The following HEATR5B variants were observed in gnomAD, a reference collection of about 807,000 sequenced individuals.
HEATR5B encodes HEAT repeat-containing protein 5B.
A neutral mutation model predicts 224.1 loss-of-function variants in HEATR5B; 156 were observed. The observed-to-expected ratio is 0.70, with a 90% CI of 0.61 to 0.80. The LOEUF is 0.80. HEATR5B is among the 30% of genes least tolerant of loss of function. The probability of loss-of-function intolerance (pLI) is 0.00; values close to 1 mark genes in which losing one functional copy is unlikely to be tolerated. For missense variants in HEATR5B, 2,323 were observed against 2,535.5 expected (o/e 0.92, Z 1.80); for synonymous variants, 1,027 against 893.0 (o/e 1.15, Z -2.68).
chr2:37,012,754 G>A (rs888513804), intron 27 of HEATR5B, among the ~76,000 whole-genome samples: 2 of 152,130 alleles, frequency 1.3e-5, no homozygotes, highest in African/African-American at 4.8e-5. Context: ...AGAGTAGACA[G>A]CACTGAGCTT....
At chr2:37,001,545 T>G (rs905593386) in intron 32 of HEATR5B, among the ~76,000 whole-genome samples, 2 of 152,106 alleles carry the variant, frequency 1.3e-5, no homozygotes, top group African/African-American at 4.8e-5. Context: ...ATCTTTTGGC[T>G]TCCCTGAGCC....
At chr2:37,047,035 C>CAAAA (rs57343074) in intron 18 of HEATR5B, among the ~76,000 whole-genome samples, 869 of 44,212 alleles carry the variant, frequency 0.02, 30 homozygotes, top group African/African-American at 0.047. Flanking sequence ...GACTCCACCT[C>CAAAA]AAAAAAAAAA....
chr2:37,078,363 G>A (rs895946287), intron 3 of HEATR5B, among the ~76,000 whole-genome samples: 92 of 152,188 alleles, frequency 6.0e-4, no homozygotes, highest in African/African-American at 2.1e-3. Context: ...ATCACATGCC[G>A]GCATACATTA....
intron 34 of HEATR5B, among the ~76,000 whole-genome samples, chr2:36,989,657 G>C (rs1666186861): frequency 1.3e-5 from 2 of 152,086 alleles, no homozygotes; most frequent in Admixed American, 1.3e-4. Flanking sequence ...TATTAGAAAG[G>C]CTTCAGATTA....
chr2:37,044,328 T>C (rs1670055327), intron 18 of HEATR5B, among the ~76,000 whole-genome samples: 1 of 152,224 alleles, frequency 6.6e-6, no homozygotes, highest in Non-Finnish European at 1.5e-5. Context: ...ATCATTATAG[T>C]TTACCTTTTA....
Position 37,002,287 on chromosome 2 carries a change from A to C in HEATR5B, c.5317+19T>G, listed in dbSNP as rs1290828190. 10 of 1,613,878 alleles carry C rather than the reference A, an allele frequency of 6.2e-6. No individual in the cohort carries two copies. The highest frequency in any genetic ancestry group is 8.5e-6 in the Non-Finnish European group (10 of 1,179,726). On this transcript the variant is annotated intron_variant, in intron 32 of 35. Transcript: ENST00000233099. Reference sequence around the variant, plus strand: ...CTACTGTAATATAATGCATTTCCAAATACTGATCAATACCGTACCAGCGGG... The same window carrying C: ...CTACTGTAATATAATGCATTTCCAACTACTGATCAATACCGTACCAGCGGG...
intron 30 of HEATR5B, 143 bp from the exon 31 acceptor site, chr2:37,003,829 A>C: frequency 2.0e-6 from 1 of 490,710 alleles, no homozygotes; most frequent in Non-Finnish European, 3.5e-6. Context: ...ACAAATAAGA[A>C]CATTGTAAAA....
intron 16 of HEATR5B, among the ~76,000 whole-genome samples, chr2:37,054,696 T>C (rs1034980022): frequency 1.3e-5 from 2 of 151,996 alleles, no homozygotes; most frequent in Non-Finnish European, 2.9e-5. Context: ...TTGGCCAGGC[T>C]GGTCTCAAAC....
intron 18 of HEATR5B, among the ~76,000 whole-genome samples, chr2:37,041,800 T>G (rs1669889730): frequency 6.6e-6 from 1 of 151,284 alleles, no homozygotes; most frequent in South Asian, 2.1e-4. Context: ...TATATTTGAC[T>G]GAATAAAGCC....
chr2:36,982,952 C>A (rs941897574), intron 35 of HEATR5B, among the ~76,000 whole-genome samples: 3 of 148,270 alleles, frequency 2.0e-5, no homozygotes, highest in Non-Finnish European at 4.4e-5. Context: ...TGTTTTCCTA[C>A]CAGAAATGTA....
chr2:37,011,377 A>C (rs764352168), intron 27 of HEATR5B, among the ~76,000 whole-genome samples: 2 of 152,214 alleles, frequency 1.3e-5, no homozygotes, highest in Non-Finnish European at 2.9e-5. Context: ...AAGTAGCTGA[A>C]GTTTTTACTC....
intron 29 of HEATR5B, 127 bp downstream of exon 29, chr2:37,006,922 GA>G: frequency 1.2e-6 from 1 of 811,102 alleles, no homozygotes; most frequent in East Asian, 2.7e-5. Flanking sequence ...AAGGTGAGGT[GA>G]AAAATCCTTT....
rs775415181 is a variant in HEATR5B at position 37,020,712 on chromosome 2, C to T, written c.3978G>A (p.Ala1326=). ...QALEDIIKKF[A]SVPEPEFPGH... is the part of the protein sequence containing the mutation. ...CTGGAAATTCTGGCTCAGGCACAGACGCAAACTTCTTGATAATGTCTTCAA... is the reference window on the plus strand; with the variant it reads ...CTGGAAATTCTGGCTCAGGCACAGATGCAAACTTCTTGATAATGTCTTCAA... The change falls in exon 25 of 36, where the codon GCG becomes GCA. Residue 1326 remains alanine (A), a synonymous_variant. Coordinates refer to ENST00000233099, the MANE Select transcript of HEATR5B (RefSeq NM_019024.3). 1.7e-5 allele frequency: 27 copies of T among 1,608,080 alleles called. No individual in the cohort carries two copies. The highest frequency in any genetic ancestry group is 3.5e-5 in the Admixed American group (2 of 57,672).
chr2:36,985,787 C>A (rs1665914659), intron 35 of HEATR5B, among the ~76,000 whole-genome samples: 1 of 151,914 alleles, frequency 6.6e-6, no homozygotes, highest in South Asian at 2.1e-4. Context: ...CATTGCTACA[C>A]CTCATTAATA....
chr2:37,074,791 A>G (rs1672126292), intron 5 of HEATR5B, among the ~76,000 whole-genome samples: 1 of 152,252 alleles, frequency 6.6e-6, no homozygotes, highest in South Asian at 2.1e-4. Flanking sequence ...AGCACCTGAA[A>G]ATATGCTTAT....
chr2:37,080,407 T>C (rs1672481959), intron 2 of HEATR5B, among the ~76,000 whole-genome samples: 1 of 152,088 alleles, frequency 6.6e-6, no homozygotes, highest in South Asian at 2.1e-4. Context: ...GATGCAATAA[T>C]CCAGATGAGA....
In HEATR5B at chr2:37,056,543, C is replaced by T; in HGVS notation, c.2296G>A (p.Ala766Thr). ...DPSSIYLRIP[A>T]GEAVPGPLPL... ...AGGGGACCAGGTACTGCTTCTCCAG[C>T]AGGTATGCGTAAATAAATAGAGGAA... is the stretch of plus-strand genomic sequence containing the variant. Residue 766 changes from alanine (A) to threonine (T), a missense_variant, in exon 16 of 36, where the codon GCT becomes ACT. This residue lies in a region of HEATR5B where 170 missense variants were observed against 216.7 expected (regional missense o/e 0.78). Transcript: ENST00000233099. The T allele has an allele frequency of 1.2e-6, 2 of 1,613,378 alleles. No homozygotes were observed. Among genetic ancestry groups the T allele is most frequent in the African/African-American group, 1.3e-5 (1 of 74,964 alleles).
chr2:37,006,030 T>C (rs757861361), intron 29 of HEATR5B, among the ~76,000 whole-genome samples: 6 of 152,232 alleles, frequency 3.9e-5, no homozygotes, highest in Non-Finnish European at 8.8e-5. Context: ...TAAGTTTTTA[T>C]TTCTAGGACT....
chr2:37,059,464 A>ATATAT lies in HEATR5B; in HGVS notation c.1850-478_1850-477insATATA, dbSNP rs1428386666. ...TGTGTGTGTATATATATATATATAT[A>ATATAT]TTTTTTTTTTTTTTTTTTTGAGAGA... On this transcript the variant is annotated intron_variant, in intron 12 of 35. Transcript: ENST00000233099. 1.8e-3 allele frequency among the ~76,000 whole-genome samples: 117 copies of ATATAT among 65,832 alleles called. 5 individuals are homozygous for ATATAT. Among genetic ancestry groups the ATATAT allele is most frequent in the African/African-American group, 5.4e-3 (104 of 19,156 alleles). The allele number at this position is 65,832 out of a possible 152,430, so 43.2% of individuals were successfully genotyped here.
Sources: allele counts gnomAD v4.1 joint callset (sites outside exome capture counted in the v4.1 genomes callset), GRCh38; gene constraint gnomAD v4.1.1; regional missense constraint gnomAD v4.1.1; transcripts MANE v1.5; gene names NCBI Gene and HGNC (gene_info 2026-07-23, HGNC 2026-07-21).